EVL: variants seen among roughly 807,000 people sequenced by gnomAD.
EVL encodes ena/VASP-like protein.
EVL carries 21 observed loss-of-function variants against 59.6 expected under a neutral mutation model. The observed-to-expected ratio is 0.35, with a 90% CI of 0.25 to 0.51. EVL has a LOEUF of 0.51. EVL is among the 20% of genes least tolerant of loss of function. The probability of loss-of-function intolerance (pLI) is 0.97; values close to 1 mark genes in which losing one functional copy is unlikely to be tolerated. For missense variants in EVL, 462 were observed against 546.6 expected, an observed-to-expected ratio of 0.85 and a Z score of 1.54; for synonymous variants, 198 against 203.5, an observed-to-expected ratio of 0.97 and a Z score of 0.23.
intron 1 of EVL, among the ~76,000 whole-genome samples, chr14:100,025,696 G>A (rs2061198458): frequency 6.6e-6 from 1 of 152,204 alleles, no homozygotes; most frequent in Non-Finnish European, 1.5e-5. Flanking sequence ...GGGAGGCAGA[G>A]GCGGGTGGGT....
upstream of EVL, among the ~76,000 whole-genome samples, chr14:100,062,191 A>G (rs2061846966): frequency 7.5e-6 from 1 of 133,632 alleles, no homozygotes; most frequent in South Asian, 2.5e-4. Context: ...TGTGCTGTTC[A>G]AGAGTCAGCT....
chr14:100,142,083 G>A, intron 13 of EVL: 1 of 312,594 alleles, frequency 3.2e-6, no homozygotes, highest in Non-Finnish European at 6.1e-6. Flanking sequence ...ATGGAGGGGA[G>A]ACCCCAGCAT....
Position 100,078,536 on chromosome 14 carries a change from G to C in EVL, c.12-6151G>C, listed in dbSNP as rs35819920. Among the ~76,000 whole-genome samples, 1,000 of 151,526 alleles carry C rather than the reference G, an allele frequency of 6.6e-3. 9 individuals carry two copies. The highest frequency in any genetic ancestry group is 0.019 in the South Asian group (91 of 4,734). Reference sequence around the variant, plus strand: ...TATTTAAGTGTATTCTCAGGGCCAGGGGCCAGGTTCCAATGGGGGCTTGGA... The same window carrying C: ...TATTTAAGTGTATTCTCAGGGCCAGCGGCCAGGTTCCAATGGGGGCTTGGA... On this transcript the variant is annotated intron_variant, in intron 1 of 13. Transcript: ENST00000392920.
At chr14:99,988,857 A>G (rs901893989) in intron 1 of EVL, among the ~76,000 whole-genome samples, 1 of 152,218 alleles carries the variant, frequency 6.6e-6, no homozygotes, top group Non-Finnish European at 1.5e-5. Flanking sequence ...TGTCCAGAAT[A>G]GGCAAATCTA....
chr14:99,980,485 C>T (rs943057741), intron 1 of EVL, among the ~76,000 whole-genome samples: 6 of 152,160 alleles, frequency 3.9e-5, no homozygotes, highest in South Asian at 2.1e-4. Context: ...GGTCTGGTTA[C>T]GAGCCAAGAA....
chr14:100,023,789 T>C (rs1287840743), intron 1 of EVL, among the ~76,000 whole-genome samples: 1 of 152,152 alleles, frequency 6.6e-6, no homozygotes, highest in African/African-American at 2.4e-5. Context: ...AAAACTTTCT[T>C]AGACATCCTT....
At chr14:100,103,841 G>A (rs1886387032) in intron 3 of EVL, among the ~76,000 whole-genome samples, 1 of 152,182 alleles carries the variant, frequency 6.6e-6, no homozygotes, top group African/African-American at 2.4e-5. Context: ...AGTGTTGAGT[G>A]CATAGATACA....
rs577379722 is a variant in EVL, at chr14:100,133,900, G to A, written c.900+1121G>A. On this transcript the variant is annotated intron_variant, in intron 8 of 13. Coordinates refer to ENST00000392920, the MANE Select transcript of EVL (RefSeq NM_016337.3). ...TGTAGTGAGCAGAGATCGCACCATT[G>A]CACTCCAGCCTGGGCAACAAGAACG... 5.3e-5 allele frequency among the ~76,000 whole-genome samples: 8 copies of A among 152,284 alleles called. No individual in the cohort carries two copies. The East Asian group carries it at 1.5e-3, about 29-fold the overall frequency.
At chr14:99,976,270 GGCCTCCAGTGATACTCCT>G (rs1240341005) in intron 1 of EVL, among the ~76,000 whole-genome samples, 8 of 151,720 alleles carry the variant, frequency 5.3e-5, no homozygotes, top group Admixed American at 6.6e-5. Context: ...TCAAACTCTT[GGCCTCCAGTGATACTCCT>G]GCCTCAGCCT....
chr14:100,117,428 C>T (rs1160587338), intron 3 of EVL, among the ~76,000 whole-genome samples: 1 of 152,258 alleles, frequency 6.6e-6, no homozygotes, highest in Non-Finnish European at 1.5e-5. Context: ...TCTTGCTCTC[C>T]CTGTCTCTGT....
At chr14:99,975,900 T>G (rs2060767156) in intron 1 of EVL, among the ~76,000 whole-genome samples, 2 of 152,144 alleles carry the variant, frequency 1.3e-5, no homozygotes, top group Non-Finnish European at 2.9e-5. Flanking sequence ...TCTCTCTTCT[T>G]TATTCTGGTT....
At chr14:100,013,074 G>A (rs1275001881) in intron 1 of EVL, among the ~76,000 whole-genome samples, 1 of 152,078 alleles carries the variant, frequency 6.6e-6, no homozygotes, top group Non-Finnish European at 1.5e-5. Context: ...AACCCCTCAG[G>A]CCTCACCTTC....
Position 99,972,730 on chromosome 14 carries a change from C to T in EVL, c.5+673C>T, listed in dbSNP as rs549983512. ...TAAAACCTTGCTTCTGCCAGAAGCC[C>T]GGTGCCCTCTCCCAGTCGCTAAACC... On this transcript the variant is annotated intron_variant, in intron 1 of 13. Transcript: ENST00000402714. This position sits in a 1 kb window ranked among gnomAD's most constrained non-coding sequence, Gnocchi z 4.4. Among the ~76,000 whole-genome samples, 2 of 152,074 alleles carry T rather than the reference C, an allele frequency of 1.3e-5. No homozygotes were observed. Among genetic ancestry groups the T allele is most frequent in the Admixed American group, 6.5e-5 (1 of 15,272 alleles).
At chr14:99,978,409 A>G (rs1262137251) in intron 1 of EVL, among the ~76,000 whole-genome samples, 1 of 152,138 alleles carries the variant, frequency 6.6e-6, no homozygotes, top group African/African-American at 2.4e-5. Context: ...CTCAAAAAAA[A>G]AAAAAGGCAT....
At chr14:100,115,674 G>A (rs1218836516) in intron 3 of EVL, among the ~76,000 whole-genome samples, 1 of 152,214 alleles carries the variant, frequency 6.6e-6, no homozygotes, top group African/African-American at 2.4e-5. Flanking sequence ...GTCTGTTGCA[G>A]GATTTCAGTG....
At chr14:100,017,059 C>T (rs2140197332) in intron 1 of EVL, among the ~76,000 whole-genome samples, 1 of 152,324 alleles carries the variant, frequency 6.6e-6, no homozygotes, top group East Asian at 1.9e-4. Context: ...GGAGTTAGCT[C>T]AGCCGGAATC....
chr14:100,119,119 C>T (rs928502129), intron 3 of EVL, among the ~76,000 whole-genome samples: 1 of 152,246 alleles, frequency 6.6e-6, no homozygotes, highest in African/African-American at 2.4e-5. Context: ...GAATGCCCAG[C>T]CACCCTGCTC....
intron 1 of EVL, among the ~76,000 whole-genome samples, chr14:100,001,947 TA>T (rs2060948709): frequency 1.3e-5 from 2 of 152,206 alleles, no homozygotes; most frequent in African/African-American, 4.8e-5. Context: ...TATATTGCCA[TA>T]CATTAAGAAT....
chr14:100,017,901 G>C (rs1281922473), intron 1 of EVL, among the ~76,000 whole-genome samples: 1 of 152,202 alleles, frequency 6.6e-6, no homozygotes, highest in African/African-American at 2.4e-5. Context: ...TCAAGACCTG[G>C]ACTCTCTTGC....
Sources: gnomAD v4.1 joint callset for allele counts (sites outside exome capture counted in the v4.1 genomes callset) on GRCh38, gnomAD v4.1.1 for gene constraint, Gnocchi (gnomAD v3.1) non-coding constraint, MANE v1.5 for transcripts, NCBI Gene and HGNC (gene_info 2026-07-23, HGNC 2026-07-21) for gene names.